The following SSH2 variants were observed in gnomAD, a reference collection of about 807,000 sequenced individuals.
SSH2 encodes slingshot protein phosphatase 2, also known as protein phosphatase Slingshot homolog 2.
Under a neutral mutation model 135.2 loss-of-function variants are expected in SSH2, and 37 were observed. The ratio of observed to expected loss-of-function variants is 0.27; its 90% CI spans 0.21 to 0.36. The LOEUF (loss-of-function observed/expected upper bound fraction) is 0.36, where lower values mean the gene tolerates loss of function less well. SSH2 is among the 10% of genes least tolerant of loss of function. The pLI is 1.00. For synonymous variants in SSH2, 628 were observed against 646.2 expected, an observed-to-expected ratio of 0.97 and a Z score of 0.43; for missense variants, 1,408 against 1,765.3, an observed-to-expected ratio of 0.80 and a Z score of 3.63.
At chr17:29,700,403 T>G (rs1035281218) in intron 4 of SSH2, among the ~76,000 whole-genome samples, 27 of 152,196 alleles carry the variant, frequency 1.8e-4, no homozygotes, top group African/African-American at 6.5e-4. Flanking sequence ...TGGAGATCTC[T>G]CTCCCTAAGA....
rs143743782 is a variant in SSH2, at chr17:29,819,143, T to A, written c.145-25206A>T. ...TGGGAGGCTGAGGCAGGAGAATCAC[T>A]TGAACCGGGGAGGTGGAGGTTGTGG... On this transcript the variant is annotated intron_variant, in intron 2 of 15. Coordinates refer to ENST00000540801, the MANE Select transcript of SSH2 (RefSeq NM_001282129.2). Among the ~76,000 whole-genome samples the A allele has an allele frequency of 7.4e-3, 1,125 of 152,036 alleles. 21 individuals carry two copies. The highest frequency in any genetic ancestry group is 0.026 in the African/African-American group (1,069 of 41,434).
chr17:29,776,369 A>G (rs2041700897), intron 3 of SSH2: 2 of 152,154 alleles, frequency 1.3e-5, no homozygotes, highest in South Asian at 4.1e-4. Flanking sequence ...CTTACCAACA[A>G]TCCCAAACTA....
intron 5 of SSH2, among the ~76,000 whole-genome samples, chr17:29,685,951 C>T (rs544544590): frequency 7.3e-5 from 11 of 150,776 alleles, no homozygotes; most frequent in East Asian, 2.0e-4. Context: ...CGAGTTCAAG[C>T]GATTCTCCTG....
At chr17:29,715,347 G>T (rs1191892390) in intron 3 of SSH2, among the ~76,000 whole-genome samples, 1 of 151,654 alleles carries the variant, frequency 6.6e-6, no homozygotes, top group Non-Finnish European at 1.5e-5. Context: ...CCAGGTTCAT[G>T]CCATTCTCTT....
rs183962043 is a variant in SSH2, at chr17:29,660,903, A to G, written c.1033-5296T>C. ...GAAACTCCAACTTTACTAAAAATAC[A>G]AAAATTAGCCTGGTATGGTGGTGCG... On this transcript the variant is annotated intron_variant, in intron 11 of 15. Coordinates refer to ENST00000540801, the MANE Select transcript of SSH2 (RefSeq NM_001282129.2). Among the ~76,000 whole-genome samples the G allele has an allele frequency of 6.6e-5, 10 of 151,886 alleles. No homozygotes were observed. In the East Asian group the frequency reaches 1.6e-3, roughly 24 times the overall value.
intron 1 of SSH2, among the ~76,000 whole-genome samples, chr17:29,888,945 A>C (rs2151441248): frequency 6.7e-6 from 1 of 150,280 alleles, no homozygotes; most frequent in Admixed American, 6.6e-5. Flanking sequence ...AAAAAAAAAA[A>C]AAAAAAAAAA....
At chr17:29,665,687 A>G (rs193053955) in intron 11 of SSH2, among the ~76,000 whole-genome samples, 1 of 152,348 alleles carries the variant, frequency 6.6e-6, no homozygotes, top group East Asian at 1.9e-4. Context: ...GGCATTCTCC[A>G]TTGATTTTAA....
chr17:29,677,815 C>G lies in SSH2; in HGVS notation c.480-74G>C, dbSNP rs560162373. Reference sequence around the variant, plus strand: ...GCAGTCTTCTGTTTACTAACTCTTTCAACACCAAGGATAAACCCTTAAATT... The same window carrying G: ...GCAGTCTTCTGTTTACTAACTCTTTGAACACCAAGGATAAACCCTTAAATT... On this transcript the variant is annotated intron_variant, in intron 6 of 15. Transcript: ENST00000540801. 8.2e-4 allele frequency: 956 copies of G among 1,162,258 alleles called. 4 individuals carry two copies. The highest frequency in any genetic ancestry group is 9.0e-4 in the Non-Finnish European group (693 of 771,444). 72.0% of individuals were successfully genotyped at this position (1,162,258 alleles called of 1,614,324 possible).
intron 5 of SSH2, among the ~76,000 whole-genome samples, chr17:29,685,984 G>C (rs1388903988): frequency 1.3e-5 from 2 of 151,150 alleles, no homozygotes; most frequent in Non-Finnish European, 2.9e-5. Context: ...GAGCAGCTGG[G>C]ATTATAGGCA....
intron 1 of SSH2, among the ~76,000 whole-genome samples, chr17:29,868,136 T>C (rs1208684599): frequency 6.6e-6 from 1 of 152,186 alleles, no homozygotes; most frequent in African/African-American, 2.4e-5. Flanking sequence ...GAGAAACAGT[T>C]ATACCAATGA....
At chr17:29,674,212 A>G (rs1598770286) in intron 8 of SSH2, 1 of 454,430 alleles carries the variant, frequency 2.2e-6, no homozygotes, top group East Asian at 7.0e-5. Context: ...TCAGAGGAAA[A>G]TGTGTCAGTC....
rs144951576 is a variant in SSH2, at chr17:29,632,902, G to A, written c.2292C>T (p.Ile764=). The change falls in exon 16 of 16, where the codon ATC becomes ATT. Residue 764 remains isoleucine (I), a synonymous_variant. Coordinates refer to ENST00000540801, the MANE Select transcript of SSH2 (RefSeq NM_001282129.2). ...KAISELVSPD[I]FMQSHSENAI... is the part of the protein sequence containing the mutation. Reference sequence around the variant, plus strand: ...CATTTTCCGAGTGAGACTGCATGAAGATGTCTGGGCTGACCAGTTCTGAAA... The same window carrying A: ...CATTTTCCGAGTGAGACTGCATGAAAATGTCTGGGCTGACCAGTTCTGAAA... 12 of 1,613,130 alleles carry A rather than the reference G, an allele frequency of 7.4e-6. No homozygotes were observed. The highest frequency in any genetic ancestry group is 1.0e-5 in the Non-Finnish European group (12 of 1,179,434).
intron 3 of SSH2, among the ~76,000 whole-genome samples, chr17:29,733,445 G>A (rs2040263564): frequency 6.6e-6 from 1 of 152,170 alleles, no homozygotes; most frequent in Non-Finnish European, 1.5e-5. Context: ...CAAAGAAACT[G>A]CATGTTGCAA....
intron 3 of SSH2, among the ~76,000 whole-genome samples, chr17:29,719,391 A>G (rs915777847): frequency 3.3e-5 from 5 of 152,072 alleles, no homozygotes; most frequent in African/African-American, 1.2e-4. Flanking sequence ...TCACGCCTGT[A>G]ATCCCAGCTA....
intron 1 of SSH2, among the ~76,000 whole-genome samples, chr17:29,857,895 C>T (rs2065692255): frequency 6.6e-6 from 1 of 152,176 alleles, no homozygotes; most frequent in Admixed American, 6.5e-5. Flanking sequence ...TCTTCATTTC[C>T]CCCTATTCCA....
intron 3 of SSH2, chr17:29,761,547 G>A (rs960551448): frequency 3.8e-6 from 2 of 530,106 alleles, no homozygotes; most frequent in Non-Finnish European, 2.4e-6. Context: ...GGACGCCCGC[G>A]CGGATCCCGC....
chr17:29,711,195 A>C (rs1598855923), intron 3 of SSH2, among the ~76,000 whole-genome samples: 1 of 152,208 alleles, frequency 6.6e-6, no homozygotes, highest in South Asian at 2.1e-4. Context: ...TCTTCCACTT[A>C]AACTCTGTTG....
rs537134610 is a variant in SSH2, at chr17:29,745,352, G to A, written c.189-42290C>T. ...TTTTTGTATTTTTAGTAGAGACGGG[G>A]TTTCACCATGTTGGCCAGGCTGGTC... On this transcript the variant is annotated intron_variant, in intron 3 of 15. Transcript: ENST00000540801. 8.5e-5 allele frequency among the ~76,000 whole-genome samples: 13 copies of A among 152,090 alleles called. No individual in the cohort carries two copies. In the South Asian group the frequency reaches 2.7e-3, roughly 32 times the overall value.
rs189760174 is a variant in SSH2 at position 29,690,204 on chromosome 17, G to A, written c.357+5255C>T. ...AGATCACCTGAGGTCGGGAGTTCAA[G>A]ACCAGCCAGACCAATATGGAGAAAC... On this transcript the variant is annotated intron_variant, in intron 5 of 15. Transcript: ENST00000540801. Among the ~76,000 whole-genome samples, 5 of 151,922 alleles carry A rather than the reference G, an allele frequency of 3.3e-5. No homozygotes were observed. In the East Asian group the frequency reaches 9.7e-4, roughly 30 times the overall value.
Sources: allele counts gnomAD v4.1 joint callset (sites outside exome capture counted in the v4.1 genomes callset), GRCh38; gene constraint gnomAD v4.1.1; transcripts MANE v1.5; gene names NCBI Gene and HGNC (gene_info 2026-07-23, HGNC 2026-07-21).